SLC47A1: variants seen among roughly 807,000 people sequenced by gnomAD.
SLC47A1 encodes the protein solute carrier family 47 member 1.
SLC47A1 carries 58 observed loss-of-function variants against 65.8 expected under a neutral mutation model. That is an observed-to-expected ratio of 0.88 (90% CI 0.71 to 1.10). The LOEUF (loss-of-function observed/expected upper bound fraction) is 1.10, where lower values mean the gene tolerates loss of function less well. SLC47A1 is among the 50% of genes least tolerant of loss of function. SLC47A1 has a pLI of 0.00. For synonymous variants in SLC47A1, 285 were observed against 295.0 expected (o/e 0.97, Z 0.35); for missense variants, 706 against 719.2 (o/e 0.98, Z 0.21).
chr17:19,560,466 A>G lies in SLC47A1; in HGVS notation c.1079A>G (p.His360Arg). The G allele has an allele frequency of 6.2e-7, 1 of 1,614,220 alleles. No individual in the cohort carries two copies. Residue 360 changes from histidine (H) to arginine (R), a missense_variant, in exon 12 of 17, where the codon CAC (histidine) becomes CGC (arginine). Coordinates refer to ENST00000270570, the MANE Select transcript of SLC47A1 (RefSeq NM_018242.3). Reference protein sequence around the residue: ...FSVLLLSCKDHVGYIFTTDRD... With the variant: ...FSVLLLSCKDRVGYIFTTDRD... ...GTCCTGCTGTTAAGCTGTAAGGATC[A>G]CGTGGGGTACATTTTTACTACCGAC...
intron 4 of SLC47A1, among the ~76,000 whole-genome samples, chr17:19,549,074 T>C (rs1402175485): frequency 1.3e-5 from 2 of 152,112 alleles, no homozygotes; most frequent in Admixed American, 1.3e-4. Flanking sequence ...AGGTGGAGAA[T>C]TACCTGGCCA....
At chr17:19,559,390 C>T (rs1040945416) in intron 10 of SLC47A1, among the ~76,000 whole-genome samples, 4 of 152,170 alleles carry the variant, frequency 2.6e-5, no homozygotes, top group East Asian at 3.9e-4. Flanking sequence ...TGTGTGGAGG[C>T]GCATGCCTGT....
rs2249885 is a variant in SLC47A1, at chr17:19,578,351, G to A, written c.*798G>A. The A allele has an allele frequency of 0.17, 35,336 of 207,484 alleles. 3,151 individuals are homozygous for A. The highest frequency in any genetic ancestry group is 0.28 in the East Asian group (1,672 of 5,926). 12.9% of individuals were successfully genotyped at this position (207,484 alleles called of 1,614,324 possible). ...CTCCTGAGTAGCTGAGACCACAGGC[G>A]TGTGCCACCACGCCTAGCTAATTTT... is the stretch of plus-strand genomic sequence containing the variant. On this transcript the variant is annotated 3_prime_UTR_variant, in exon 17 of 17. Transcript: ENST00000270570.
At chr17:19,541,411 G>A (rs1454961099) in intron 1 of SLC47A1, among the ~76,000 whole-genome samples, 1 of 152,186 alleles carries the variant, frequency 6.6e-6, no homozygotes, top group Non-Finnish European at 1.5e-5. Flanking sequence ...AGTGGGTGGG[G>A]GGCAGGAGGT....
At chr17:19,555,560 G>A in intron 7 of SLC47A1, 33 bp from the exon 8 acceptor site, 1 of 1,599,172 alleles carries the variant, frequency 6.3e-7, no homozygotes, top group Non-Finnish European at 8.6e-7. Context: ...GCGCAGGAAG[G>A]TACCTCCCTC....
In SLC47A1 at chr17:19,578,046, G is replaced by C. The variant is rs967738041; in HGVS notation, c.*493G>C. The C allele has an allele frequency of 1.9e-6, 2 of 1,074,532 alleles. No individual in the cohort carries two copies. Among genetic ancestry groups the C allele is most frequent in the Non-Finnish European group, 2.5e-6 (2 of 794,094 alleles). The allele number at this position is 1,074,532 out of a possible 1,614,324, so 66.6% of individuals were successfully genotyped here. A position where few individuals can be genotyped will look rare whatever the true frequency, so the allele number is the denominator to read the frequency against. ...CATGCAGGCTGGAGTGCGGTGGTGC[G>C]ATCATAGCTCACTGCAGCCTCGAAC... On this transcript the variant is annotated 3_prime_UTR_variant, in exon 17 of 17. Coordinates refer to ENST00000270570, the MANE Select transcript of SLC47A1 (RefSeq NM_018242.3).
intron 16 of SLC47A1, among the ~76,000 whole-genome samples, chr17:19,576,499 C>T (rs968368886): frequency 1.3e-5 from 2 of 151,470 alleles, no homozygotes; most frequent in Admixed American, 6.6e-5. Flanking sequence ...TATAGGCATA[C>T]GCCATCAGGC....
Position 19,577,953 on chromosome 17 carries a change from A to G in SLC47A1, c.*400A>G, listed in dbSNP as rs2084453657. 7.8e-7 allele frequency: 1 copy of G among 1,279,552 alleles called. No individual in the cohort carries two copies. The highest frequency in any genetic ancestry group is 1.0e-6 in the Non-Finnish European group (1 of 987,108). The allele number at this position is 1,279,552 out of a possible 1,614,324, so 79.3% of individuals were successfully genotyped here. On this transcript the variant is annotated 3_prime_UTR_variant, in exon 17 of 17. Transcript: ENST00000270570. ...ATCTTTCCTTGGGCCTTAGATTACT[A>G]TTCACTGGGCAAATGGTATTTGTTT...
chr17:19,538,724 G>A (rs1916061293), intron 1 of SLC47A1, among the ~76,000 whole-genome samples: 1 of 152,200 alleles, frequency 6.6e-6, no homozygotes, highest in Admixed American at 6.5e-5. Flanking sequence ...GGCTGTCCCA[G>A]GTGACCTCTC....
chr17:19,559,454 C>T (rs750213077), intron 10 of SLC47A1, among the ~76,000 whole-genome samples: 10 of 152,154 alleles, frequency 6.6e-5, no homozygotes, highest in African/African-American at 1.7e-4. Flanking sequence ...CCCAGGAGGT[C>T]GAGGCTGTAG....
intron 12 of SLC47A1, 21 bp from the exon 13 acceptor site, chr17:19,566,769 C>A (rs377683989): frequency 1.9e-6 from 3 of 1,612,430 alleles, no homozygotes; most frequent in Non-Finnish European, 2.5e-6. Context: ...CTAATCACCA[C>A]GTGCTTTATT....
intron 16 of SLC47A1, among the ~76,000 whole-genome samples, 200 bp downstream of exon 16, chr17:19,573,061 A>G (rs1374612217): frequency 1.3e-5 from 2 of 152,236 alleles, no homozygotes. Flanking sequence ...ACCGCTATAG[A>G]TGACTGAAAG....
At chr17:19,568,094 A>G (rs1218455988) in intron 14 of SLC47A1, 2 of 152,224 alleles carry the variant, frequency 1.3e-5, no homozygotes, top group Non-Finnish European at 2.9e-5. Flanking sequence ...CTGGACATTT[A>G]TCTTTGGGGT....
At chr17:19,560,165 T>G in intron 10 of SLC47A1, 23 bp from the exon 11 acceptor site, 2 of 1,557,414 alleles carry the variant, frequency 1.3e-6, no homozygotes, top group Non-Finnish European at 1.8e-6. Flanking sequence ...CACTCATTGT[T>G]GCAGGTTTCC....
At position 19,542,393 on chromosome 17, in the gene SLC47A1, T is replaced by G; in HGVS notation, c.136T>G (p.Phe46Val). The G allele has an allele frequency of 6.2e-7, 1 of 1,601,218 alleles. No individual in the cohort carries two copies. The highest frequency in any genetic ancestry group is 8.5e-7 in the Non-Finnish European group (1 of 1,173,550). Residue 46 changes from phenylalanine to valine, a missense_variant and splice_region_variant, in exon 2 of 17, where the codon TTC becomes GTC. Transcript: ENST00000270570. ...CCTTCCCGTTCCCCTCTCTTCCCAG[T>G]TCTTGGTTCAGCTGATGGTGTTCCT... The part of the protein sequence containing the change: ...RALLVLAGPA[F>V]LVQLMVFLIS...
At chr17:19,566,349 A>G (rs2084357517) in intron 12 of SLC47A1, among the ~76,000 whole-genome samples, 1 of 152,198 alleles carries the variant, frequency 6.6e-6, no homozygotes, top group Admixed American at 6.5e-5. Flanking sequence ...AGTTTCCTCT[A>G]TGGACCCAGC....
At chr17:19,555,191 C>T in intron 6 of SLC47A1, 21 bp from the exon 7 acceptor site, 1 of 1,607,752 alleles carries the variant, frequency 6.2e-7, no homozygotes, top group East Asian at 2.2e-5. Flanking sequence ...TCAAGGATGG[C>T]ATGCGGTGTC....
At chr17:19,569,265 G>C (rs770596730) in intron 14 of SLC47A1, among the ~76,000 whole-genome samples, 3 of 151,916 alleles carry the variant, frequency 2.0e-5, no homozygotes, top group Non-Finnish European at 2.9e-5. Flanking sequence ...CCAGCTACTT[G>C]GGAGGCTGAG....
At chr17:19,568,302 A>T (rs550037559) in intron 14 of SLC47A1, among the ~76,000 whole-genome samples, 1 of 152,324 alleles carries the variant, frequency 6.6e-6, no homozygotes, top group South Asian at 2.1e-4. Context: ...GCCAATGCAA[A>T]GTTCATTGGG....
Sources: gnomAD v4.1 joint callset for allele counts (sites outside exome capture counted in the v4.1 genomes callset) on GRCh38, gnomAD v4.1.1 for gene constraint, MANE v1.5 for transcripts, NCBI Gene and HGNC (gene_info 2026-07-23, HGNC 2026-07-21) for gene names.